HELZ: variants seen among roughly 807,000 people sequenced by gnomAD.
HELZ encodes helicase with zinc finger.
In HELZ, 23 loss-of-function variants were observed where a neutral mutation model predicts 218.2. That is an observed-to-expected ratio of 0.11 (90% CI 0.08 to 0.15). The LOEUF is 0.15. HELZ is among the 10% of genes least tolerant of loss of function. The probability of loss-of-function intolerance (pLI) is 1.00; values close to 1 mark genes in which losing one functional copy is unlikely to be tolerated. For synonymous variants in HELZ, 814 were observed against 829.4 expected (o/e 0.98, Z 0.32); for missense variants, 1,813 against 2,353.7 (o/e 0.77, Z 4.75).
chr17:67,212,091 G>A (rs1322292510), intron 5 of HELZ, among the ~76,000 whole-genome samples: 2 of 151,546 alleles, frequency 1.3e-5, no homozygotes, highest in African/African-American at 2.4e-5. Flanking sequence ...TAAGGCCAAG[G>A]CGGGCAGATC....
intron 31 of HELZ, among the ~76,000 whole-genome samples, chr17:67,090,869 G>A (rs1039916524): frequency 6.6e-6 from 1 of 150,818 alleles, no homozygotes; most frequent in Non-Finnish European, 1.5e-5. Flanking sequence ...GTTTTGAATT[G>A]TATTGAATTC....
At position 67,108,421 on chromosome 17, in the gene HELZ, A is replaced by T; in HGVS notation, c.4724+71T>A. The stretch of plus-strand genomic sequence containing the variant: ...GGCAATATTCCAGCTTGAAGCTAAA[A>T]GGACTACAGTCAAAAAAGAGAACAG... On this transcript the variant is annotated intron_variant, in intron 30 of 32. Transcript: ENST00000358691. This position sits in a 1 kb window ranked among gnomAD's most constrained non-coding sequence, Gnocchi z 4.1. 8.7e-7 allele frequency: 1 copy of T among 1,146,676 alleles called. No homozygotes were observed. Among genetic ancestry groups the T allele is most frequent in the Admixed American group, 1.8e-5 (1 of 54,622 alleles). 71.0% of individuals were successfully genotyped at this position (1,146,676 alleles called of 1,614,324 possible).
At chr17:67,217,239 G>A (rs2040623010) in intron 4 of HELZ, among the ~76,000 whole-genome samples, 1 of 152,086 alleles carries the variant, frequency 6.6e-6, no homozygotes, top group Non-Finnish European at 1.5e-5. Context: ...TCTTCCAATT[G>A]CTCAGACAAA....
intron 7 of HELZ, among the ~76,000 whole-genome samples, chr17:67,197,619 G>T (rs1454838560): frequency 6.6e-6 from 1 of 152,168 alleles, no homozygotes; most frequent in East Asian, 1.9e-4. Flanking sequence ...CAGCACAGGT[G>T]CTCAGTAAAT....
intron 12 of HELZ, among the ~76,000 whole-genome samples, chr17:67,181,420 G>A (rs747794287): frequency 2.0e-5 from 3 of 152,118 alleles, no homozygotes; most frequent in Non-Finnish European, 4.4e-5. Context: ...AAAGTGGCAT[G>A]AGCAATAGCA....
chr17:67,106,416 T>G (rs2037103464), intron 31 of HELZ, among the ~76,000 whole-genome samples: 1 of 151,616 alleles, frequency 6.6e-6, no homozygotes. Context: ...CACGCCATTC[T>G]CCTGCCTCAG....
intron 5 of HELZ, among the ~76,000 whole-genome samples, chr17:67,205,045 C>T (rs1373517871): frequency 6.6e-6 from 1 of 151,830 alleles, no homozygotes; most frequent in Non-Finnish European, 1.5e-5. Flanking sequence ...AAAATGCTCT[C>T]GCCAGGCATG....
intron 12 of HELZ, among the ~76,000 whole-genome samples, chr17:67,183,371 A>G (rs1053883253): frequency 9.9e-5 from 15 of 152,238 alleles, no homozygotes; most frequent in Non-Finnish European, 2.9e-5. Flanking sequence ...CATGCTTTTT[A>G]CATACTTCTA....
intron 31 of HELZ, among the ~76,000 whole-genome samples, chr17:67,096,545 C>A (rs1295209429): frequency 6.6e-6 from 1 of 152,212 alleles, no homozygotes. Context: ...TAACTTGCTG[C>A]AGCTTCTATA....
chr17:67,173,570 A>C (rs2039370967), intron 13 of HELZ, among the ~76,000 whole-genome samples: 1 of 152,222 alleles, frequency 6.6e-6, no homozygotes, highest in Admixed American at 6.5e-5. Flanking sequence ...AAACCTATAT[A>C]GGGTTTTCAT....
At chr17:67,244,799 G>A (rs2041431115) in intron 1 of HELZ, 1 of 985,354 alleles carries the variant, frequency 1.0e-6, no homozygotes, top group Non-Finnish European at 1.2e-6. Flanking sequence ...GTGCCGGGAG[G>A]CTCGAGTCCC....
Position 67,188,389 on chromosome 17 carries a change from G to C in HELZ, c.1092C>G (p.Thr364=). 2 of 1,613,856 alleles carry C rather than the reference G, an allele frequency of 1.2e-6. No homozygotes were observed. The highest frequency in any genetic ancestry group is 2.7e-5 in the African/African-American group (2 of 74,998). ...GTTCCAATCCAAAGTCGAAAACTAT[G>C]GTTTGGCGAAAAGTTCCAAATATTT... ...NTEIFGTFRQ[T]IVFDFGLEPV... The change falls in exon 12 of 33, where the codon ACC becomes ACG. Residue 364 remains threonine, a synonymous_variant. Coordinates refer to ENST00000358691, the MANE Select transcript of HELZ (RefSeq NM_014877.4). The surrounding 1 kb of genome is among the most constrained non-coding windows in gnomAD (Gnocchi z 4.1).
chr17:67,109,290 G>C lies in HELZ; in HGVS notation c.4315C>G (p.Arg1439Gly). ...GCTTCTGCAGGAGGAGACTGTGGCC[G>C]ATGAGCAACTGCACTATTAAAAAAA... is the stretch of plus-strand genomic sequence containing the variant. ...NAFFNSAVAH[R>G]PQSPPAEAVI... Residue 1439 changes from arginine to glycine, a missense_variant, in exon 29 of 33, where the codon CGG becomes GGG. Physicochemically the swap from Arg to Gly is moderately radical, Grantham distance 125. Around this residue, in one of 4 missense-constraint regions of HELZ, gnomAD observed 938 missense variants for 1,027.5 expected, o/e 0.91. Coordinates refer to ENST00000358691, the MANE Select transcript of HELZ (RefSeq NM_014877.4). 6.2e-7 allele frequency: 1 copy of C among 1,614,122 alleles called. No homozygotes were observed. Among genetic ancestry groups the C allele is most frequent in the Non-Finnish European group, 8.5e-7 (1 of 1,180,042 alleles).
intron 16 of HELZ, 70 bp downstream of exon 16, chr17:67,160,824 CATT>C: frequency 9.0e-7 from 1 of 1,108,950 alleles, no homozygotes; most frequent in East Asian, 2.5e-5. Context: ...TGCTAGCCCT[CATT>C]GTGTATTTAA....
In HELZ at chr17:67,109,481, T is replaced by G; in HGVS notation, c.4124A>C (p.Gln1375Pro). ...QLPRPPFPIP[Q>P]QHTLLNQQQN... The stretch of plus-strand genomic sequence containing the variant: ...CTGCTGATTTAACAAGGTGTGCTGC[T>G]GTGGAATTGGAAAGGGTGGTCTTGG... Residue 1375 changes from glutamine (Q) to proline (P), a missense_variant, in exon 29 of 33, where the codon CAG becomes CCG. Gln to Pro is a moderately conservative substitution (Grantham distance 76). Coordinates refer to ENST00000358691, the MANE Select transcript of HELZ (RefSeq NM_014877.4). 1 of 1,614,136 alleles carries G rather than the reference T, an allele frequency of 6.2e-7. No individual in the cohort carries two copies. Among genetic ancestry groups the G allele is most frequent in the Non-Finnish European group, 8.5e-7 (1 of 1,180,032 alleles).
chr17:67,175,591 A>G lies in HELZ; in HGVS notation c.1430+3068T>C, dbSNP rs921345411. On this transcript the variant is annotated intron_variant, in intron 13 of 32. Coordinates refer to ENST00000358691, the MANE Select transcript of HELZ (RefSeq NM_014877.4). Reference sequence around the variant, plus strand: ...CTTATAGATGCATTCTGAGAACTCTATCTAATTATTATAGGATCTGTTTCT... The same window carrying G: ...CTTATAGATGCATTCTGAGAACTCTGTCTAATTATTATAGGATCTGTTTCT... Among the ~76,000 whole-genome samples, 3 of 152,232 alleles carry G rather than the reference A, an allele frequency of 2.0e-5. No homozygotes were observed. The East Asian group carries it at 5.8e-4, about 29-fold the overall frequency.
At position 67,224,159 on chromosome 17, in the gene HELZ, G is replaced by A. The variant is rs572140680; in HGVS notation, c.-18-5337C>T. 1.2e-3 allele frequency: 190 copies of A among 153,454 alleles called. 1 individual carries two copies. Among genetic ancestry groups the A allele is most frequent in the Non-Finnish European group, 2.4e-3 (164 of 69,030 alleles). 9.5% of individuals were successfully genotyped at this position (153,454 alleles called of 1,614,324 possible). On this transcript the variant is annotated intron_variant, in intron 3 of 32. Transcript: ENST00000358691. ...CCCTGAACACAGGGATTGGCTCAGG[G>A]TAGGCCATATGACCCTGTAAGAGCC...
intron 2 of HELZ, among the ~76,000 whole-genome samples, chr17:67,242,056 C>G (rs2041326443): frequency 6.6e-6 from 1 of 152,196 alleles, no homozygotes; most frequent in East Asian, 1.9e-4. Context: ...AGACTACAAA[C>G]AAACATCTCC....
intron 13 of HELZ, among the ~76,000 whole-genome samples, chr17:67,175,186 A>T (rs2039420019): frequency 6.6e-6 from 1 of 152,244 alleles, no homozygotes; most frequent in Non-Finnish European, 1.5e-5. Flanking sequence ...GCCAACCTTC[A>T]AACTGTTTCC....
Sources: allele counts gnomAD v4.1 joint callset (sites outside exome capture counted in the v4.1 genomes callset), GRCh38; gene constraint gnomAD v4.1.1; regional missense constraint gnomAD v4.1.1; non-coding constraint Gnocchi (gnomAD v3.1); transcripts MANE v1.5; gene names NCBI Gene and HGNC (gene_info 2026-07-23, HGNC 2026-07-21).